ERBB4: variants seen among roughly 807,000 people sequenced by gnomAD.
ERBB4 encodes the protein receptor tyrosine-protein kinase erbB-4.
In ERBB4, 42 loss-of-function variants were observed where a neutral mutation model predicts 158.0. That is an observed-to-expected ratio of 0.27 (90% confidence interval 0.21 to 0.34). The LOEUF (loss-of-function observed/expected upper bound fraction) is 0.34, where lower values mean the gene tolerates loss of function less well. Among genes scored for constraint, ERBB4 ranks in the 10% least tolerant of loss-of-function variants. The pLI, the probability that ERBB4 is intolerant of heterozygous loss-of-function variation, is 1.00. For missense variants in ERBB4, 1,333 were observed against 1,624.1 expected, an observed-to-expected ratio of 0.82 and a Z score of 3.08; for synonymous variants, 583 against 558.7, an observed-to-expected ratio of 1.04 and a Z score of -0.61.
chr2:212,412,871 T>C (rs928654293), intron 1 of ERBB4, among the ~76,000 whole-genome samples: 3 of 152,234 alleles, frequency 2.0e-5, no homozygotes, highest in Non-Finnish European at 4.4e-5. Context: ...ATTCACTAAT[T>C]ACCCAAGTTT....
intron 3 of ERBB4, among the ~76,000 whole-genome samples, chr2:211,810,479 T>C (rs1295002634): frequency 6.6e-6 from 1 of 152,158 alleles, no homozygotes; most frequent in East Asian, 1.9e-4. Context: ...TTTGTTTGTT[T>C]AAAGTCTGTT....
At chr2:211,589,893 T>C (rs1024012346) in intron 19 of ERBB4, among the ~76,000 whole-genome samples, 1 of 152,202 alleles carries the variant, frequency 6.6e-6, no homozygotes, top group Admixed American at 6.5e-5. Flanking sequence ...TGACCACAGT[T>C]ATTAGCATGC....
intron 3 of ERBB4, among the ~76,000 whole-genome samples, chr2:211,904,644 T>C: frequency 6.6e-6 from 1 of 152,132 alleles, no homozygotes; most frequent in East Asian, 1.9e-4. Flanking sequence ...AGTTGATTAA[T>C]AGTTTCAGTG....
chr2:211,813,133 G>A (rs576579246), intron 3 of ERBB4, among the ~76,000 whole-genome samples: 2 of 152,262 alleles, frequency 1.3e-5, no homozygotes, highest in South Asian at 2.1e-4. Flanking sequence ...CGTCAATCAC[G>A]CTGGGAGCTG....
intron 3 of ERBB4, among the ~76,000 whole-genome samples, chr2:211,889,656 GA>G (rs974300017): frequency 2.1e-5 from 3 of 144,824 alleles, no homozygotes; most frequent in Non-Finnish European, 4.6e-5. Flanking sequence ...TGAAAACTTT[GA>G]AAAAAATTTA....
chr2:212,533,598 A>G, intron 1 of ERBB4, among the ~76,000 whole-genome samples: 1 of 152,206 alleles, frequency 6.6e-6, no homozygotes, highest in East Asian at 1.9e-4. Flanking sequence ...TTTTTTCATA[A>G]AAAGGGGTTA....
Position 212,493,224 on chromosome 2 carries a change from G to A in ERBB4, c.82+45225C>T, listed in dbSNP as rs116214277. On this transcript the variant is annotated intron_variant, in intron 1 of 27. Transcript: ENST00000342788. ...TGAAAGCTGCTTTTATAAATGTGTC[G>A]CTATGTATACACAACACACATATAA... Among the ~76,000 whole-genome samples the A allele has an allele frequency of 5.9e-3, 888 of 151,200 alleles. 4 individuals are homozygous for A. Among genetic ancestry groups the A allele is most frequent in the African/African-American group, 0.02 (837 of 41,400 alleles).
At chr2:211,894,371 T>C (rs907900873) in intron 3 of ERBB4, among the ~76,000 whole-genome samples, 1 of 140,818 alleles carries the variant, frequency 7.1e-6, no homozygotes, top group African/African-American at 2.7e-5. Flanking sequence ...TGAGATCACA[T>C]GGACACAGGA....
chr2:211,437,315 C>CA (rs2063875725), intron 20 of ERBB4, among the ~76,000 whole-genome samples: 1 of 152,082 alleles, frequency 6.6e-6, no homozygotes, highest in South Asian at 2.1e-4. Context: ...GCTTGATTTT[C>CA]AGAAATGAAC....
At chr2:211,852,032 T>A (rs2077733082) in intron 3 of ERBB4, among the ~76,000 whole-genome samples, 1 of 151,968 alleles carries the variant, frequency 6.6e-6, no homozygotes, top group Non-Finnish European at 1.5e-5. Context: ...TGAATTTATA[T>A]CACTATTGTC....
At chr2:212,272,283 A>G (rs1423222973) in intron 1 of ERBB4, among the ~76,000 whole-genome samples, 1 of 151,818 alleles carries the variant, frequency 6.6e-6, no homozygotes, top group African/African-American at 2.4e-5. Context: ...TTAAAAAGCA[A>G]TGCACAAAAG....
intron 1 of ERBB4, among the ~76,000 whole-genome samples, chr2:212,429,725 G>A (rs1371409288): frequency 1.3e-5 from 2 of 150,938 alleles, no homozygotes; most frequent in East Asian, 1.9e-4. Flanking sequence ...ATGAAACCAT[G>A]GCAGTTAGAT....
At chr2:211,929,320 T>C (rs16847215) in intron 3 of ERBB4, among the ~76,000 whole-genome samples, 2,517 of 152,008 alleles carry the variant, frequency 0.017, 75 homozygotes, top group African/African-American at 0.058. Flanking sequence ...TCATTTGTAA[T>C]TACTCTTTTA....
chr2:212,142,958 C>A, intron 1 of ERBB4, among the ~76,000 whole-genome samples: 1 of 150,406 alleles, frequency 6.6e-6, no homozygotes. Flanking sequence ...CAAGTCCTGG[C>A]TGAAGCAAGT....
intron 1 of ERBB4, among the ~76,000 whole-genome samples, chr2:212,236,757 G>A (rs2083892818): frequency 6.6e-6 from 1 of 152,282 alleles, no homozygotes; most frequent in East Asian, 1.9e-4. Context: ...TTAGCTTAGA[G>A]GTGTTTATAG....
intron 1 of ERBB4, among the ~76,000 whole-genome samples, chr2:212,375,616 T>C (rs1022594807): frequency 2.6e-5 from 4 of 152,050 alleles, no homozygotes; most frequent in South Asian, 2.1e-4. Context: ...TTTTTTCTTA[T>C]AAGGGGGACT....
intron 2 of ERBB4, among the ~76,000 whole-genome samples, chr2:212,030,060 A>C (rs1424594899): frequency 2.0e-5 from 3 of 152,168 alleles, no homozygotes; most frequent in African/African-American, 7.2e-5. Flanking sequence ...GATAGCCTGC[A>C]TCCTGACTAC....
At chr2:211,862,055 T>C (rs1311898583) in intron 3 of ERBB4, among the ~76,000 whole-genome samples, 1 of 152,180 alleles carries the variant, frequency 6.6e-6, no homozygotes, top group African/African-American at 2.4e-5. Flanking sequence ...ATTCAAAAAT[T>C]TTATTTAACC....
chr2:211,909,889 T>C (rs1204318744), intron 3 of ERBB4, among the ~76,000 whole-genome samples: 1 of 151,770 alleles, frequency 6.6e-6, no homozygotes, highest in Non-Finnish European at 1.5e-5. Context: ...GTCTGGACAA[T>C]CTTTCTGTAT....
Sources: gnomAD v4.1 joint callset for allele counts (sites outside exome capture counted in the v4.1 genomes callset) on GRCh38, gnomAD v4.1.1 for gene constraint, MANE v1.5 for transcripts, NCBI Gene and HGNC (gene_info 2026-07-23, HGNC 2026-07-21) for gene names.